GRIN2A: variants seen among roughly 807,000 people sequenced by gnomAD.
GRIN2A encodes glutamate receptor ionotropic, NMDA 2A.
A neutral mutation model predicts 113.4 loss-of-function variants in GRIN2A; 22 were observed. The observed-to-expected ratio is 0.19, with a 90% confidence interval of 0.14 to 0.28. The LOEUF (loss-of-function observed/expected upper bound fraction) is 0.28. GRIN2A is among the 10% of genes least tolerant of loss of function. The pLI is 1.00. For synonymous variants in GRIN2A, 827 were observed against 738.4 expected (o/e 1.12, Z -1.94); for missense variants, 1,502 against 1,887.0 (o/e 0.80, Z 3.78).
chr16:9,802,052 A>T (rs562978591), intron 10 of GRIN2A, among the ~76,000 whole-genome samples: 117 of 152,346 alleles, frequency 7.7e-4, no homozygotes, highest in African/African-American at 2.8e-3. Flanking sequence ...GGCTATTATT[A>T]AAAAGTCAAA....
chr16:9,977,451 T>C (rs2045797415), intron 2 of GRIN2A, among the ~76,000 whole-genome samples: 1 of 152,230 alleles, frequency 6.6e-6, no homozygotes, highest in Admixed American at 6.5e-5. Flanking sequence ...CTAAATGAGA[T>C]AATTATAATT....
chr16:9,788,852 C>T (rs1261477537), intron 11 of GRIN2A, among the ~76,000 whole-genome samples: 1 of 151,642 alleles, frequency 6.6e-6, no homozygotes, highest in African/African-American at 2.4e-5. Flanking sequence ...AAGTAATTCT[C>T]CTGCCTCAGC....
chr16:10,177,717 C>G (rs374836560), intron 2 of GRIN2A, among the ~76,000 whole-genome samples: 5 of 152,314 alleles, frequency 3.3e-5, no homozygotes, highest in East Asian at 1.9e-4. Context: ...ACTCCCTGGA[C>G]TTCTCAAAAC....
intron 2 of GRIN2A, among the ~76,000 whole-genome samples, chr16:10,115,735 G>A (rs1244332472): frequency 1.3e-5 from 2 of 152,144 alleles, no homozygotes; most frequent in African/African-American, 4.8e-5. Flanking sequence ...GGGGGCGTGG[G>A]GACACTGTTT....
At position 10,108,633 on chromosome 16, in the gene GRIN2A, C is replaced by T. The variant is rs145322523; in HGVS notation, c.414+71365G>A. Among the ~76,000 whole-genome samples, 862 of 152,246 alleles carry T rather than the reference C, an allele frequency of 5.7e-3. 6 individuals are homozygous for T. The highest frequency in any genetic ancestry group is 0.013 in the African/African-American group (560 of 41,522). On this transcript the variant is annotated intron_variant, in intron 2 of 12. Transcript: ENST00000330684. ...TGTTCAGGGTCACACACTTAGTGTA[C>T]GATGTAGCCGGGGTTAAAGCTGAGA...
intron 2 of GRIN2A, among the ~76,000 whole-genome samples, chr16:9,974,201 C>G (rs1031289668): frequency 1.3e-5 from 2 of 152,028 alleles, no homozygotes; most frequent in Non-Finnish European, 2.9e-5. Context: ...CGGTTTTATA[C>G]TCAGAAAAAG....
chr16:9,982,535 G>C (rs929094727), intron 2 of GRIN2A, among the ~76,000 whole-genome samples: 1 of 152,190 alleles, frequency 6.6e-6, no homozygotes, highest in Admixed American at 6.5e-5. Flanking sequence ...TACAGTAAAC[G>C]CATGCTTCTT....
chr16:9,784,323 G>C (rs375008482), intron 11 of GRIN2A, among the ~76,000 whole-genome samples: 1 of 151,648 alleles, frequency 6.6e-6, no homozygotes, highest in Non-Finnish European at 1.5e-5. Context: ...CCAGCTACTC[G>C]GGAGGCTAAG....
chr16:10,036,089 A>T (rs7204654), intron 2 of GRIN2A, among the ~76,000 whole-genome samples: 141,142 of 152,260 alleles, frequency 0.93, 65,693 homozygotes, highest in East Asian at 1. Flanking sequence ...AAAACGATGA[A>T]TGATTCAGAT....
At chr16:9,853,607 A>T (rs762831652) in intron 4 of GRIN2A, among the ~76,000 whole-genome samples, 2 of 152,214 alleles carry the variant, frequency 1.3e-5, no homozygotes, top group Non-Finnish European at 2.9e-5. Context: ...CAGCAACCCA[A>T]ATGGACTAAG....
chr16:10,085,739 G>T (rs1297713554), intron 2 of GRIN2A, among the ~76,000 whole-genome samples: 2 of 152,168 alleles, frequency 1.3e-5, no homozygotes, highest in Admixed American at 1.3e-4. Context: ...GCAAGGGAGA[G>T]GATATAATGT....
chr16:10,074,741 G>T (rs964053936), intron 2 of GRIN2A, among the ~76,000 whole-genome samples: 2 of 152,218 alleles, frequency 1.3e-5, no homozygotes, highest in African/African-American at 2.4e-5. Context: ...AAGGGAGACA[G>T]AGTGACGGCT....
chr16:10,090,624 C>T (rs896737616), intron 2 of GRIN2A, among the ~76,000 whole-genome samples: 7 of 151,616 alleles, frequency 4.6e-5, no homozygotes, highest in South Asian at 2.1e-4. Flanking sequence ...TTGGGTTAAG[C>T]GGAAAGCTCT....
At chr16:10,130,668 T>C (rs186072280) in intron 2 of GRIN2A, among the ~76,000 whole-genome samples, 10 of 152,354 alleles carry the variant, frequency 6.6e-5, no homozygotes, top group Admixed American at 4.6e-4. Flanking sequence ...GTTGAGGATC[T>C]AATTCAACAA....
In GRIN2A at chr16:10,180,752, G is replaced by A. The variant is rs1443426111; in HGVS notation, c.-18-323C>T. 2 of 478,208 alleles carry A rather than the reference G, an allele frequency of 4.2e-6. No individual in the cohort carries two copies. The highest frequency in any genetic ancestry group is 3.4e-5 in the Admixed American group (1 of 29,460). 29.6% of individuals were successfully genotyped at this position (478,208 alleles called of 1,614,324 possible). A position where few individuals can be genotyped will look rare whatever the true frequency, so the allele number is the denominator to read the frequency against. The stretch of plus-strand genomic sequence containing the variant: ...CACCGCATTCCCCAAGTTCGCCGCG[G>A]GCCACAGACCCTAAGCGCCGCGCGT... On this transcript the variant is annotated intron_variant, in intron 1 of 12. Transcript: ENST00000330684. The surrounding 1 kb of genome is among the most constrained non-coding windows in gnomAD (Gnocchi z 7.0).
At chr16:9,834,584 G>C (rs1022002068) in intron 7 of GRIN2A, among the ~76,000 whole-genome samples, 1 of 152,028 alleles carries the variant, frequency 6.6e-6, no homozygotes, top group African/African-American at 2.4e-5. Context: ...GTTTCGCCAT[G>C]TTGCCCAGGC....
intron 2 of GRIN2A, among the ~76,000 whole-genome samples, chr16:10,090,395 T>C (rs941381458): frequency 2.6e-5 from 4 of 152,198 alleles, no homozygotes; most frequent in Non-Finnish European, 5.9e-5. Flanking sequence ...ACACTGTCAA[T>C]TGATTTTTGA....
chr16:9,912,450 G>A (rs1046880916), intron 3 of GRIN2A, among the ~76,000 whole-genome samples: 2 of 142,662 alleles, frequency 1.4e-5, no homozygotes, highest in Non-Finnish European at 3.0e-5. Flanking sequence ...AAAGCTTTAT[G>A]AAGCTGCAAA....
intron 2 of GRIN2A, among the ~76,000 whole-genome samples, chr16:10,045,321 G>A (rs1241447765): frequency 1.3e-5 from 2 of 152,164 alleles, no homozygotes; most frequent in African/African-American, 4.8e-5. Context: ...TAGAAGCAAG[G>A]TAAATATGTT....
Sources: allele counts gnomAD v4.1 joint callset (sites outside exome capture counted in the v4.1 genomes callset), GRCh38; gene constraint gnomAD v4.1.1; non-coding constraint Gnocchi (gnomAD v3.1); transcripts MANE v1.5; gene names NCBI Gene and HGNC (gene_info 2026-07-23, HGNC 2026-07-21).